The following SUPT3H variants were observed in gnomAD, a reference collection of about 807,000 sequenced individuals.
SUPT3H encodes transcription initiation protein SPT3 homolog.
In SUPT3H, 44 loss-of-function variants were observed where a neutral mutation model predicts 44.3. The observed-to-expected ratio is 0.99, with a 90% CI of 0.78 to 1.28. The LOEUF is 1.28. SUPT3H is among the 50% of genes most tolerant of loss of function. The pLI, the probability that SUPT3H is intolerant of heterozygous loss-of-function variation, is 0.00. For synonymous variants in SUPT3H, 124 were observed against 125.6 expected (o/e 0.99, Z 0.09); for missense variants, 380 against 387.1 (o/e 0.98, Z 0.15).
In SUPT3H at chr6:45,285,214, T is replaced by C. The variant is rs562183711; in HGVS notation, c.101+79987A>G. 2.0e-5 allele frequency among the ~76,000 whole-genome samples: 3 copies of C among 151,312 alleles called. No homozygotes were observed. In the East Asian group the frequency reaches 5.8e-4, roughly 29 times the overall value. On this transcript the variant is annotated intron_variant, in intron 2 of 10. Transcript: ENST00000371459. The stretch of plus-strand genomic sequence containing the variant: ...GGGATGCCCTCTCTCACCACTCCTA[T>C]TCAACATAGTGTTGGAAGTTCTGGC...
intron 2 of SUPT3H, among the ~76,000 whole-genome samples, chr6:45,218,486 T>C (rs1476469973): frequency 2.0e-5 from 3 of 152,136 alleles, no homozygotes; most frequent in South Asian, 2.1e-4. Context: ...TCCCAACACT[T>C]TGGGAGGCCG....
intron 5 of SUPT3H, among the ~76,000 whole-genome samples, chr6:45,006,169 G>A (rs925965059): frequency 1.3e-5 from 2 of 151,816 alleles, no homozygotes; most frequent in Non-Finnish European, 2.9e-5. Flanking sequence ...ATTTGTGTAT[G>A]CATTTATTTA....
At chr6:44,865,861 C>T (rs9369516) in intron 10 of SUPT3H, among the ~76,000 whole-genome samples, 63,315 of 151,852 alleles carry the variant, frequency 0.42, 13,563 homozygotes, top group East Asian at 0.7. Context: ...AGGGCAGTAA[C>T]AATAATAGTC....
intron 2 of SUPT3H, among the ~76,000 whole-genome samples, chr6:45,364,127 AT>A (rs1192782162): frequency 6.8e-6 from 1 of 146,036 alleles, no homozygotes; most frequent in South Asian, 2.2e-4. Context: ...AAAAAAAAAA[AT>A]TTAATAATAA....
chr6:45,088,151 G>T (rs1015560487), intron 3 of SUPT3H, among the ~76,000 whole-genome samples: 1 of 151,984 alleles, frequency 6.6e-6, no homozygotes, highest in African/African-American at 2.4e-5. Context: ...AATCAGACGG[G>T]AACTGACAAG....
chr6:45,222,360 T>C (rs1266899382), intron 2 of SUPT3H, among the ~76,000 whole-genome samples: 1 of 151,602 alleles, frequency 6.6e-6, no homozygotes, highest in Non-Finnish European at 1.5e-5. Context: ...CTACAAACAA[T>C]CCAATTAGAA....
intron 2 of SUPT3H, among the ~76,000 whole-genome samples, chr6:45,329,104 A>G (rs561040217): frequency 6.6e-6 from 1 of 152,126 alleles, no homozygotes; most frequent in South Asian, 2.1e-4. Flanking sequence ...AACCCTCACC[A>G]GAAGAAAAGT....
chr6:45,293,490 A>G (rs1246192802), intron 2 of SUPT3H, among the ~76,000 whole-genome samples: 1 of 151,754 alleles, frequency 6.6e-6, no homozygotes, highest in Non-Finnish European at 1.5e-5. Context: ...CCAAGATCAG[A>G]GCAGAACTAA....
chr6:45,365,126 G>T, intron 2 of SUPT3H, 75 bp downstream of exon 2: 1 of 846,616 alleles, frequency 1.2e-6, no homozygotes, highest in Non-Finnish European at 1.8e-6. Context: ...TTTTATAAAT[G>T]TTGTTATGTC....
intron 2 of SUPT3H, among the ~76,000 whole-genome samples, chr6:45,209,570 A>G (rs1763753835): frequency 6.6e-6 from 1 of 152,232 alleles, no homozygotes; most frequent in African/African-American, 2.4e-5. Flanking sequence ...TCATGATCAA[A>G]CTTGAAGCAA....
At chr6:45,156,638 A>G (rs1025864324) in intron 2 of SUPT3H, among the ~76,000 whole-genome samples, 2 of 151,802 alleles carry the variant, frequency 1.3e-5, no homozygotes, top group Middle Eastern at 3.4e-3. Context: ...TCAGCTTTGC[A>G]GAATTCATCT....
intron 3 of SUPT3H, among the ~76,000 whole-genome samples, chr6:45,072,862 C>G (rs1362554142): frequency 6.6e-6 from 1 of 151,932 alleles, no homozygotes; most frequent in African/African-American, 2.4e-5. Flanking sequence ...GGCCCTCTCT[C>G]TATCTTACCA....
chr6:45,335,045 C>G (rs1168820594), intron 2 of SUPT3H, among the ~76,000 whole-genome samples: 1 of 151,130 alleles, frequency 6.6e-6, no homozygotes, highest in Non-Finnish European at 1.5e-5. Flanking sequence ...TAATAGATTC[C>G]TATTTATAAA....
chr6:44,945,105 T>C (rs964091740), intron 9 of SUPT3H, among the ~76,000 whole-genome samples: 2 of 152,148 alleles, frequency 1.3e-5, no homozygotes, highest in African/African-American at 4.8e-5. Context: ...TTATTTTATC[T>C]GTTATGGTGA....
chr6:44,881,065 A>G (rs1485014184), intron 10 of SUPT3H, among the ~76,000 whole-genome samples: 1 of 152,178 alleles, frequency 6.6e-6, no homozygotes, highest in Non-Finnish European at 1.5e-5. Context: ...ATATTAATGT[A>G]AACAGGCTAA....
intron 3 of SUPT3H, among the ~76,000 whole-genome samples, chr6:45,073,451 T>C (rs1794646335): frequency 1.3e-5 from 2 of 151,894 alleles, no homozygotes; most frequent in Non-Finnish European, 2.9e-5. Context: ...AAATCACAAA[T>C]AATTCAAAAC....
intron 3 of SUPT3H, among the ~76,000 whole-genome samples, chr6:45,083,785 A>G (rs972593359): frequency 6.6e-6 from 1 of 152,130 alleles, no homozygotes; most frequent in Non-Finnish European, 1.5e-5. Flanking sequence ...GCCAGAAATA[A>G]AGCCACACAT....
At chr6:44,951,525 AG>A (rs1774310104) in intron 9 of SUPT3H, among the ~76,000 whole-genome samples, 2 of 152,040 alleles carry the variant, frequency 1.3e-5, no homozygotes, top group Non-Finnish European at 1.5e-5. Flanking sequence ...CAGTCACAGG[AG>A]GGGAGGGGTG....
chr6:45,134,625 G>A (rs976651524), intron 2 of SUPT3H, among the ~76,000 whole-genome samples: 4 of 145,550 alleles, frequency 2.7e-5, no homozygotes, highest in African/African-American at 7.3e-5. Flanking sequence ...AATAAAATGA[G>A]GGTGAAGGCA....
Sources: allele counts gnomAD v4.1 joint callset (sites outside exome capture counted in the v4.1 genomes callset), GRCh38; gene constraint gnomAD v4.1.1; transcripts MANE v1.5; gene names NCBI Gene and HGNC (gene_info 2026-07-23, HGNC 2026-07-21).